Variants in PVT1 observed in about 807,000 individuals in gnomAD.
PVT1 encodes the protein Pvt1 oncogene, also known as CXCR4/PVT1 fusion.
At chr8:127,883,918 G>T (rs1245489485) in intron 2 of PVT1, among the ~76,000 whole-genome samples, 1 of 152,238 alleles carries the variant, frequency 6.6e-6, no homozygotes, top group Admixed American at 6.5e-5. Context: ...GGAAGCTGCC[G>T]ATTCCCAGGC....
At chr8:127,947,419 C>A in intron 3 of PVT1, 1 of 246,900 alleles carries the variant, frequency 4.1e-6, no homozygotes, top group South Asian at 5.5e-5. Context: ...TTGAAAGTCC[C>A]CTCATCCTGG....
chr8:127,887,932 T>TTTA (rs1815545117), intron 2 of PVT1, among the ~76,000 whole-genome samples: 2 of 9,930 alleles, frequency 2.0e-4, no homozygotes, highest in Non-Finnish European at 5.3e-4. Context: ...CTCTATCTTG[T>TTTA]TTTTTTTTTT....
intron 2 of PVT1, among the ~76,000 whole-genome samples, chr8:127,816,049 G>A (rs914110839): frequency 5.3e-5 from 8 of 152,260 alleles, no homozygotes; most frequent in Middle Eastern, 3.4e-3. Flanking sequence ...TCTTGAACCC[G>A]GGAGGCGGAG....
chr8:128,100,707 C>A (rs1018227226), intron 6 of PVT1, among the ~76,000 whole-genome samples: 1 of 152,176 alleles, frequency 6.6e-6, no homozygotes, highest in African/African-American at 2.4e-5. Flanking sequence ...AACCCAACCT[C>A]CATCTTGCCT....
chr8:127,949,386 T>TGTGTGTGTGTGTGTG (rs1816467357), intron 3 of PVT1, among the ~76,000 whole-genome samples: 1 of 136,644 alleles, frequency 7.3e-6, no homozygotes, highest in Non-Finnish European at 1.6e-5. Flanking sequence ...GAGCTGTGTG[T>TGTGTGTGTGTGTGTG]GTGTGTGTGT....
intron 3 of PVT1, among the ~76,000 whole-genome samples, chr8:127,950,065 T>A (rs2129925090): frequency 6.6e-6 from 1 of 152,380 alleles, no homozygotes; most frequent in African/African-American, 2.4e-5. Flanking sequence ...GCTCATTTAT[T>A]GAGCACTTAC....
At chr8:128,056,346 T>C (rs1813762100) in intron 4 of PVT1, among the ~76,000 whole-genome samples, 1 of 152,260 alleles carries the variant, frequency 6.6e-6, no homozygotes, top group Non-Finnish European at 1.5e-5. Flanking sequence ...TACATTTGAA[T>C]GTGCAGGTAT....
intron 4 of PVT1, among the ~76,000 whole-genome samples, chr8:128,040,910 G>A (rs1001748031): frequency 3.3e-5 from 5 of 151,590 alleles, no homozygotes; most frequent in Admixed American, 2.0e-4. Context: ...TTGTGCATGT[G>A]TGCATATGTG....
chr8:127,944,071 T>C (rs1203580718), intron 3 of PVT1, among the ~76,000 whole-genome samples: 3 of 152,206 alleles, frequency 2.0e-5, no homozygotes, highest in African/African-American at 7.2e-5. Flanking sequence ...AGGAAAATTA[T>C]TTTGGGCCCT....
chr8:127,851,731 A>G (rs1815109309), intron 2 of PVT1, among the ~76,000 whole-genome samples: 1 of 152,144 alleles, frequency 6.6e-6, no homozygotes, highest in Admixed American at 6.5e-5. Flanking sequence ...GACGTGAGCC[A>G]GGCGCTGATT....
At chr8:128,015,025 C>A (rs1216421879) in intron 4 of PVT1, among the ~76,000 whole-genome samples, 2 of 151,828 alleles carry the variant, frequency 1.3e-5, no homozygotes, top group Non-Finnish European at 2.9e-5. Context: ...GCCTCAGTTT[C>A]CTCACCTAAG....
chr8:127,997,199 G>A (rs543253781), intron 4 of PVT1, among the ~76,000 whole-genome samples: 15 of 151,926 alleles, frequency 9.9e-5, no homozygotes, highest in South Asian at 4.2e-4. Context: ...GCGCCACCAC[G>A]TCCGGCTAAT....
chr8:127,865,494 A>G (rs1412255445), intron 2 of PVT1, among the ~76,000 whole-genome samples: 2 of 152,186 alleles, frequency 1.3e-5, no homozygotes, highest in African/African-American at 4.8e-5. Context: ...GAGTCCTTAC[A>G]AGTGGGCGAG....
chr8:127,837,245 A>G (rs1209906077), intron 2 of PVT1, among the ~76,000 whole-genome samples: 2 of 151,982 alleles, frequency 1.3e-5, no homozygotes, highest in Non-Finnish European at 2.9e-5. Context: ...AGAAGAGGCC[A>G]TGGGCTCGCC....
intron 2 of PVT1, among the ~76,000 whole-genome samples, chr8:127,797,942 A>T (rs1814416145): frequency 6.6e-6 from 1 of 152,210 alleles, no homozygotes; most frequent in Admixed American, 6.6e-5. Flanking sequence ...GCAGAGCTGT[A>T]GAGATTTGGA....
chr8:127,885,800 A>G (rs367916070), intron 2 of PVT1, among the ~76,000 whole-genome samples: 1 of 152,204 alleles, frequency 6.6e-6, no homozygotes, highest in East Asian at 1.9e-4. Context: ...AACGTAGTAA[A>G]TTTGGGAGTC....
intron 5 of PVT1, among the ~76,000 whole-genome samples, chr8:128,087,555 AT>A (rs1814274042): frequency 6.6e-6 from 1 of 152,174 alleles, no homozygotes; most frequent in Admixed American, 6.5e-5. Context: ...GATCACTCCC[AT>A]TATTGGCCTT....
chr8:127,982,883 T>C (rs1162257726), intron 3 of PVT1, among the ~76,000 whole-genome samples: 1 of 152,142 alleles, frequency 6.6e-6, no homozygotes, highest in Non-Finnish European at 1.5e-5. Context: ...AAAGAGTCTG[T>C]GCATTATTGA....
chr8:127,829,314 T>TTA (rs201452712), intron 2 of PVT1, among the ~76,000 whole-genome samples: 1,980 of 152,234 alleles, frequency 0.013, 159 homozygotes, highest in Admixed American at 0.11. Flanking sequence ...AAATAAAACC[T>TTA]TATATATATT....
Sources: allele counts gnomAD v4.1 joint callset (sites outside exome capture counted in the v4.1 genomes callset), GRCh38; gene constraint gnomAD v4.1.1; transcripts MANE v1.5; gene names NCBI Gene and HGNC (gene_info 2026-07-23, HGNC 2026-07-21).